Variants in NSD1 observed in about 807,000 individuals in gnomAD.
The protein encoded by NSD1 is nuclear receptor binding SET domain protein 1, also known as histone-lysine N-methyltransferase, H3 lysine-36 specific.
NSD1 carries 26 observed loss-of-function variants against 242.7 expected under a neutral mutation model. The observed-to-expected ratio is 0.11, with a 90% CI of 0.08 to 0.15. NSD1 has a LOEUF of 0.15. Ranked by LOEUF, NSD1 falls within the 10% of genes least tolerant of loss-of-function variation. NSD1 has a pLI of 1.00. For synonymous variants in NSD1, 1,106 were observed against 1,178.1 expected, an observed-to-expected ratio of 0.94 and a Z score of 1.25; for missense variants, 2,495 against 3,272.8, an observed-to-expected ratio of 0.76 and a Z score of 5.80.
chr5:177,182,382 C>T (rs1760764273), intron 2 of NSD1, among the ~76,000 whole-genome samples: 1 of 152,120 alleles, frequency 6.6e-6, no homozygotes, highest in South Asian at 2.1e-4. Context: ...AGCAAGCAGC[C>T]ATGAACACTG....
At chr5:177,263,332 G>A (rs976877747) in intron 14 of NSD1, among the ~76,000 whole-genome samples, 1 of 152,134 alleles carries the variant, frequency 6.6e-6, no homozygotes, top group African/African-American at 2.4e-5. Flanking sequence ...TGTTTCTGTA[G>A]CCAAAGACTG....
At chr5:177,249,453 TTAA>T (rs1755727792) in intron 11 of NSD1, among the ~76,000 whole-genome samples, 2 of 150,604 alleles carry the variant, frequency 1.3e-5, no homozygotes, top group African/African-American at 4.8e-5. Context: ...TTTTTATTAA[TTAA>T]TTATTTATTT....
At chr5:177,257,227 T>TC (rs1206591788) in intron 13 of NSD1, 76 bp downstream of exon 13, 3 of 1,125,588 alleles carry the variant, frequency 2.7e-6, no homozygotes, top group Admixed American at 4.7e-5. Flanking sequence ...CTTTTTTCTT[T>TC]CTTTTTTTTT....
At chr5:177,218,598 C>T (rs12152922) in intron 5 of NSD1, among the ~76,000 whole-genome samples, 4,477 of 149,446 alleles carry the variant, frequency 0.03, 119 homozygotes, top group South Asian at 0.068. Flanking sequence ...GACGGAGTCT[C>T]GCTCTGTTGC....
intron 3 of NSD1, 57 bp from the exon 4 acceptor site, chr5:177,204,063 A>AATG: frequency 6.6e-7 from 1 of 1,509,168 alleles, no homozygotes; most frequent in Non-Finnish European, 9.2e-7. Context: ...CTGTTCTCTT[A>AATG]ATGATGAGAA....
intron 2 of NSD1, among the ~76,000 whole-genome samples, chr5:177,164,346 A>T (rs540533954): frequency 3.3e-5 from 5 of 151,630 alleles, no homozygotes; most frequent in South Asian, 2.1e-4. Flanking sequence ...TAGTAGAGAC[A>T]GGGTTTCACC....
In NSD1 at chr5:177,135,533, A is replaced by G. The variant is rs546310439; in HGVS notation, c.430A>G (p.Lys144Glu). Residue 144 changes from lysine to glutamate, a missense_variant, in exon 2 of 23, where the codon AAG becomes GAG. Physicochemically the swap from Lys to Glu is moderately conservative, Grantham distance 56 (BLOSUM62 1). Around this residue, in one of 19 missense-constraint regions of NSD1, gnomAD observed 376 missense variants for 367.4 expected, o/e 1.02. Transcript: ENST00000439151. The stretch of plus-strand genomic sequence containing the variant: ...CCCTGAACTCCAGGTAAAAGTAACA[A>G]AGACTATCAAGAATGGCTTTCTGCA... The part of the protein sequence containing the change: ...NSPELQVKVT[K>E]TIKNGFLHFE... The G allele has an allele frequency of 6.2e-7, 1 of 1,614,234 alleles. No homozygotes were observed. Among genetic ancestry groups the G allele is most frequent in the Admixed American group, 1.7e-5 (1 of 60,020 alleles).
chr5:177,274,533 C>T (rs185977378), intron 17 of NSD1, among the ~76,000 whole-genome samples: 67 of 152,196 alleles, frequency 4.4e-4, no homozygotes, highest in African/African-American at 7.2e-4. Flanking sequence ...AAGTTAGTTG[C>T]GATGCTCAAA....
intron 2 of NSD1, among the ~76,000 whole-genome samples, chr5:177,155,925 G>A (rs1413695140): frequency 6.6e-6 from 1 of 151,578 alleles, no homozygotes; most frequent in Non-Finnish European, 1.5e-5. Context: ...GGCTGGTCTC[G>A]AACTCCTGAC....
intron 2 of NSD1, among the ~76,000 whole-genome samples, chr5:177,177,359 AC>A (rs1434914992): frequency 4.6e-5 from 7 of 152,086 alleles, no homozygotes; most frequent in Non-Finnish European, 1.0e-4. Flanking sequence ...TACTAAAAAT[AC>A]AAAAATTAGC....
At position 177,210,609 on chromosome 5, in the gene NSD1, C is replaced by T. The variant is rs2149844904; in HGVS notation, c.2210C>T (p.Thr737Ile). The stretch of plus-strand genomic sequence containing the variant: ...AATCTCTCTGATCTGAAGGCATCTA[C>T]TCTTGTTCACAAACCCCAGTCAGAT... ...QVNLSDLKAS[T>I]LVHKPQSDFT... Residue 737 changes from threonine to isoleucine, a missense_variant, in exon 5 of 23, where the codon ACT (threonine) becomes ATT (isoleucine). This residue lies in a region of NSD1 where 515 missense variants were observed against 467.0 expected (regional missense o/e 1.10). Transcript: ENST00000439151. The T allele has an allele frequency of 6.2e-7, 1 of 1,614,166 alleles. No homozygotes were observed. Among genetic ancestry groups the T allele is most frequent in the East Asian group, 2.2e-5 (1 of 44,880 alleles).
At chr5:177,267,776 C>T in intron 15 of NSD1, 58 bp downstream of exon 15, 1 of 1,489,396 alleles carries the variant, frequency 6.7e-7, no homozygotes, top group Non-Finnish European at 9.4e-7. Flanking sequence ...TGAGACCTCT[C>T]AGATACAATG....
Position 177,294,384 on chromosome 5 carries a change from C to T in NSD1, c.7016C>T (p.Pro2339Leu), listed in dbSNP as rs1581564675. The T allele has an allele frequency of 6.2e-7, 1 of 1,614,200 alleles. No individual in the cohort carries two copies. ...LSDKPSPVTS[P>L]SSSPSVRSQP... ...GACAAACCCTCTCCAGTGACCAGCC[C>T]AAGCTCCTCACCCTCAGTCAGGTCC... Residue 2339 changes from proline (P) to leucine (L), a missense_variant, in exon 23 of 23, where the codon CCA (proline) becomes CTA (leucine). Physicochemically the swap from Pro to Leu is moderately conservative, Grantham distance 98 (BLOSUM62 -3). Coordinates refer to ENST00000439151, the MANE Select transcript of NSD1 (RefSeq NM_022455.5).
At chr5:177,252,656 A>G (rs1008620935) in intron 12 of NSD1, among the ~76,000 whole-genome samples, 13 of 146,746 alleles carry the variant, frequency 8.9e-5, no homozygotes, top group African/African-American at 2.8e-4. Flanking sequence ...GGCTCAAGCA[A>G]TCCTCCCAAC....
chr5:177,251,915 A>G (rs1213384048), intron 12 of NSD1, 62 bp downstream of exon 12: 3 of 1,605,624 alleles, frequency 1.9e-6, no homozygotes, highest in African/African-American at 2.7e-5. Context: ...TTTTCAGGAA[A>G]GACATTTATT....
At chr5:177,195,622 T>A (rs75495756) in intron 3 of NSD1, among the ~76,000 whole-genome samples, 3,863 of 152,272 alleles carry the variant, frequency 0.025, 49 homozygotes, top group African/African-American at 0.029. Context: ...CATTCGCCAC[T>A]ATGCCTGGCT....
rs142096976 is a variant in NSD1 at position 177,211,708 on chromosome 5, C to G, written c.3309C>G (p.Asp1103Glu). The change falls in exon 5 of 23, where the codon GAC (aspartate) becomes GAG (glutamate). Residue 1103 changes from aspartate (D) to glutamate (E), a missense_variant. Transcript: ENST00000439151. ...GCCACTTAACAAGTGAAGATGGTGA[C>G]CATTTTTCTGATGTGCATTTCGATA... is the stretch of plus-strand genomic sequence containing the variant. The part of the protein sequence containing the change: ...IMGHLTSEDG[D>E]HFSDVHFDSK... The G allele has an allele frequency of 3.7e-6, 6 of 1,613,888 alleles. No homozygotes were observed. The Admixed American group carries it at 6.7e-5, about 18-fold the overall frequency.
intron 20 of NSD1, chr5:177,288,381 A>T (rs903906239): frequency 2.3e-5 from 5 of 218,332 alleles, no homozygotes; most frequent in Non-Finnish European, 4.6e-5. Context: ...TTCTAGTGTT[A>T]TTCTGTACTG....
rs767391107 is a variant in NSD1, at chr5:177,295,234, A to G, written c.7866A>G (p.Gln2622=). The change falls in exon 23 of 23, where the codon CAA becomes CAG. Residue 2622 remains glutamine, a synonymous_variant. Transcript: ENST00000439151. This position sits in a 1 kb window ranked among gnomAD's most constrained non-coding sequence, Gnocchi z 4.3. The stretch of plus-strand genomic sequence containing the variant: ...AAAAGAAGTTGGTAACCACAGAGCA[A>G]AGTCCCTGGGCCCTGGGAAAAGCCT... ...TEEKKLVTTE[Q]SPWALGKASS... 1 of 1,614,224 alleles carries G rather than the reference A, an allele frequency of 6.2e-7. No homozygotes were observed.
Sources: gnomAD v4.1 joint callset for allele counts (sites outside exome capture counted in the v4.1 genomes callset) on GRCh38, gnomAD v4.1.1 for gene constraint, gnomAD v4.1.1 regional missense constraint, Gnocchi (gnomAD v3.1) non-coding constraint, MANE v1.5 for transcripts, NCBI Gene and HGNC (gene_info 2026-07-23, HGNC 2026-07-21) for gene names.